Variants in FBXO45 observed in about 807,000 individuals in gnomAD.
FBXO45 encodes F-box/SPRY domain-containing protein 1.
A neutral mutation model predicts 25.5 loss-of-function variants in FBXO45; 3 were observed. The observed-to-expected ratio is 0.12, with a 90% CI of 0.05 to 0.30. The LOEUF is 0.30. Ranked by LOEUF, FBXO45 falls within the 10% of genes least tolerant of loss-of-function variation. The pLI, the probability that FBXO45 is intolerant of heterozygous loss-of-function variation, is 1.00. For synonymous variants in FBXO45, 155 were observed against 149.8 expected (o/e 1.03, Z -0.25); for missense variants, 219 against 365.0 (o/e 0.60, Z 3.26).
intron 1 of FBXO45, among the ~76,000 whole-genome samples, chr3:196,571,424 C>A (rs911038882): frequency 5.9e-5 from 9 of 151,946 alleles, no homozygotes; most frequent in African/African-American, 9.7e-5. Flanking sequence ...CGGGGTCTCA[C>A]CTTGTTGCCT....
intron 1 of FBXO45, among the ~76,000 whole-genome samples, chr3:196,572,090 G>A (rs1219540235): frequency 2.0e-5 from 3 of 152,198 alleles, no homozygotes; most frequent in Non-Finnish European, 4.4e-5. Context: ...TTATATTTGA[G>A]CTGAATTTTA....
intron 1 of FBXO45, among the ~76,000 whole-genome samples, chr3:196,574,490 A>G (rs374545346): frequency 6.6e-6 from 1 of 152,164 alleles, no homozygotes. Context: ...TAGTCTACAT[A>G]TTCACTCACC....
chr3:196,582,494 A>C (rs1229291657), intron 2 of FBXO45, among the ~76,000 whole-genome samples: 1 of 152,198 alleles, frequency 6.6e-6, no homozygotes, highest in East Asian at 1.9e-4. Flanking sequence ...GAAGGAAAGT[A>C]AATGACAATA....
chr3:196,580,640 T>C (rs181725826), intron 2 of FBXO45, among the ~76,000 whole-genome samples: 51 of 152,328 alleles, frequency 3.3e-4, no homozygotes, highest in African/African-American at 1.2e-3. Context: ...CTCTGACTTT[T>C]AAGTGTTTAG....
At chr3:196,582,737 G>A (rs74765587) in intron 2 of FBXO45, among the ~76,000 whole-genome samples, 1,546 of 151,720 alleles carry the variant, frequency 0.01, 15 homozygotes, top group Non-Finnish European at 0.016. Context: ...TCAGAGTTGT[G>A]AACCACAAAT....
rs1294835151 is a variant in FBXO45, at chr3:196,587,729, A to G, written c.*3411A>G. 6.6e-6 allele frequency: 1 copy of G among 151,866 alleles called. No individual in the cohort carries two copies. The highest frequency in any genetic ancestry group is 2.4e-5 in the African/African-American group (1 of 41,236). 9.4% of individuals were successfully genotyped at this position (151,866 alleles called of 1,614,324 possible). On this transcript the variant is annotated 3_prime_UTR_variant, in exon 3 of 3. Coordinates refer to ENST00000311630, the MANE Select transcript of FBXO45 (RefSeq NM_001105573.2). ...AAACTATGTAGATTGTCATATTAAT[A>G]TTAATTTTTTTTTGTTATTTTGAAG... is the stretch of plus-strand genomic sequence containing the variant.
Position 196,585,013 on chromosome 3 carries a change from AGAG to A in FBXO45, c.*699_*701del, listed in dbSNP as rs1482826253. ...GTTAACTACAAAGAAGAGGATTTTA[AGAG>A]GAGATGTGTTGTATTGACTCATTTT... On this transcript the variant is annotated 3_prime_UTR_variant, in exon 3 of 3. Coordinates refer to ENST00000311630, the MANE Select transcript of FBXO45 (RefSeq NM_001105573.2). 1 of 152,212 alleles carries A rather than the reference AGAG, an allele frequency of 6.6e-6. No individual in the cohort carries two copies. The highest frequency in any genetic ancestry group is 2.4e-5 in the African/African-American group (1 of 41,452). The allele number at this position is 152,212 out of a possible 1,614,324, so 9.4% of individuals were successfully genotyped here. A position where few individuals can be genotyped will look rare whatever the true frequency, so the allele number is the denominator to read the frequency against.
At chr3:196,583,131 C>T (rs1038093399) in intron 2 of FBXO45, among the ~76,000 whole-genome samples, 1 of 152,178 alleles carries the variant, frequency 6.6e-6, no homozygotes, top group African/African-American at 2.4e-5. Context: ...GTGTCTGGCT[C>T]ATTTCACTTA....
intron 2 of FBXO45, among the ~76,000 whole-genome samples, chr3:196,578,167 G>A (rs1344439873): frequency 6.6e-6 from 1 of 150,562 alleles, no homozygotes; most frequent in Non-Finnish European, 1.5e-5. Context: ...AGCCTCAGTA[G>A]TTGGGATTAC....
At chr3:196,578,871 C>T (rs1009002277) in intron 2 of FBXO45, among the ~76,000 whole-genome samples, 2 of 152,002 alleles carry the variant, frequency 1.3e-5, no homozygotes, top group Non-Finnish European at 2.9e-5. Flanking sequence ...AACAATTCTT[C>T]CAGTGTGGCC....
rs1736062513 is a variant in FBXO45, at chr3:196,584,057, T to C, written c.676-76T>C. On this transcript the variant is annotated intron_variant, in intron 2 of 2. Coordinates refer to ENST00000311630, the MANE Select transcript of FBXO45 (RefSeq NM_001105573.2). The surrounding 1 kb of genome is among the most constrained non-coding windows in gnomAD (Gnocchi z 4.3). ...GGATAATATTCTTAATATTTTCAAC[T>C]TCTTGATTTGTGTCTTGTTTCTTCT... 1.8e-5 allele frequency: 25 copies of C among 1,382,154 alleles called. No individual in the cohort carries two copies. Among genetic ancestry groups the C allele is most frequent in the Non-Finnish European group, 2.4e-5 (24 of 996,882 alleles). 85.6% of individuals were successfully genotyped at this position (1,382,154 alleles called of 1,614,324 possible).
intron 2 of FBXO45, among the ~76,000 whole-genome samples, chr3:196,581,223 CTTTTTTTTTTTTTTTT>C (rs33962634): frequency 4.7e-5 from 3 of 63,676 alleles, no homozygotes; most frequent in Non-Finnish European, 8.0e-5. Context: ...TTTCTTTTTC[CTTTTTTTTTTTTTTTT>C]TTTTTTTTTT....
chr3:196,579,372 T>G (rs1560318561), intron 2 of FBXO45, among the ~76,000 whole-genome samples: 1 of 152,212 alleles, frequency 6.6e-6, no homozygotes, highest in Non-Finnish European at 1.5e-5. Context: ...TCATGGAATG[T>G]TTCCTCACTA....
rs959615798 is a variant in FBXO45, at chr3:196,585,229, C to A, written c.*911C>A. On this transcript the variant is annotated 3_prime_UTR_variant, in exon 3 of 3. Coordinates refer to ENST00000311630, the MANE Select transcript of FBXO45 (RefSeq NM_001105573.2). ...AATAGTAATGTGTATCTTTTGGTAT[C>A]CAGTTTTATTTTTGGCCTTCTAAGA... is the stretch of plus-strand genomic sequence containing the variant. 6.6e-6 allele frequency: 1 copy of A among 152,066 alleles called. No homozygotes were observed. Among genetic ancestry groups the A allele is most frequent in the Non-Finnish European group, 1.5e-5 (1 of 68,018 alleles). The allele number at this position is 152,066 out of a possible 1,614,324, so 9.4% of individuals were successfully genotyped here. A position where few individuals can be genotyped will look rare whatever the true frequency, so the allele number is the denominator to read the frequency against.
rs1325088276 is a variant in FBXO45, at chr3:196,568,737, C to G, written c.-248C>G. The G allele has an allele frequency of 6.4e-6, 1 of 157,378 alleles. No individual in the cohort carries two copies. The highest frequency in any genetic ancestry group is 2.4e-5 in the African/African-American group (1 of 41,522). 9.7% of individuals were successfully genotyped at this position (157,378 alleles called of 1,614,324 possible). On this transcript the variant is annotated 5_prime_UTR_variant, in exon 1 of 3. Coordinates refer to ENST00000311630, the MANE Select transcript of FBXO45 (RefSeq NM_001105573.2). ...AGAGGCCGGGCGAGTCGGGCGGTTT[C>G]GGCGCCCGCGCTGAGCCGCGGAGGA...
chr3:196,579,155 AT>A (rs1345840267), intron 2 of FBXO45, among the ~76,000 whole-genome samples: 1 of 152,212 alleles, frequency 6.6e-6, no homozygotes, highest in Non-Finnish European at 1.5e-5. Flanking sequence ...TAAAAGCCGT[AT>A]TTATTACTAC....
At chr3:196,571,928 T>C (rs1735832154) in intron 1 of FBXO45, among the ~76,000 whole-genome samples, 1 of 152,212 alleles carries the variant, frequency 6.6e-6, no homozygotes, top group South Asian at 2.1e-4. Context: ...TCTTTCAGTC[T>C]AGTAGAGGAG....
At position 196,587,811 on chromosome 3, in the gene FBXO45, G is replaced by A. The variant is rs1008813662; in HGVS notation, c.*3493G>A. The stretch of plus-strand genomic sequence containing the variant: ...GGAGTGGTGTGTGTGTTTCTTTTTT[G>A]GAGACAGAGTCACGCAGGCTGGAGT... On this transcript the variant is annotated 3_prime_UTR_variant, in exon 3 of 3. Coordinates refer to ENST00000311630, the MANE Select transcript of FBXO45 (RefSeq NM_001105573.2). The A allele has an allele frequency of 3.3e-5, 5 of 151,934 alleles. No individual in the cohort carries two copies. Among genetic ancestry groups the A allele is most frequent in the African/African-American group, 1.2e-4 (5 of 41,342 alleles). 9.4% of individuals were successfully genotyped at this position (151,934 alleles called of 1,614,324 possible).
intron 2 of FBXO45, among the ~76,000 whole-genome samples, chr3:196,578,046 C>CTTTTTTTTT (rs775555553): frequency 0.18 from 16,652 of 93,040 alleles, 2,978 homozygotes; most frequent in East Asian, 0.7. Context: ...GAAAAATATT[C>CTTTTTTTTT]TTTTTTTTTT....
Sources: gnomAD v4.1 joint callset for allele counts (sites outside exome capture counted in the v4.1 genomes callset) on GRCh38, gnomAD v4.1.1 for gene constraint, Gnocchi (gnomAD v3.1) non-coding constraint, MANE v1.5 for transcripts, NCBI Gene and HGNC (gene_info 2026-07-23, HGNC 2026-07-21) for gene names.